STK32B: variants seen among roughly 807,000 people sequenced by gnomAD.
STK32B encodes serine/threonine kinase 32B.
In STK32B, 43 loss-of-function variants were observed where a neutral mutation model predicts 52.6. That is an observed-to-expected ratio of 0.82 (90% confidence interval 0.64 to 1.05). The LOEUF (loss-of-function observed/expected upper bound fraction) is 1.05. Among genes scored for constraint, STK32B ranks in the 50% least tolerant of loss-of-function variants. STK32B has a pLI of 0.00. For missense variants in STK32B, 621 were observed against 534.6 expected (o/e 1.16, Z -1.59); for synonymous variants, 238 against 204.3 (o/e 1.17, Z -1.41).
chr4:5,152,147 A>AT (rs1717420579), intron 2 of STK32B, among the ~76,000 whole-genome samples: 1 of 152,226 alleles, frequency 6.6e-6, no homozygotes, highest in Admixed American at 6.5e-5. Context: ...TTCGTCAGCA[A>AT]TTGATGAAGT....
At chr4:5,235,426 G>A (rs78647349) in intron 3 of STK32B, among the ~76,000 whole-genome samples, 5,537 of 152,192 alleles carry the variant, frequency 0.036, 136 homozygotes, top group South Asian at 0.083. Context: ...TGACAATGGC[G>A]TGCCACTCCT....
At chr4:5,103,841 T>C (rs932218864) in intron 1 of STK32B, among the ~76,000 whole-genome samples, 1 of 152,192 alleles carries the variant, frequency 6.6e-6, no homozygotes, top group Non-Finnish European at 1.5e-5. Flanking sequence ...CATTACATAT[T>C]TTTAAAATTG....
chr4:5,464,213 A>G (rs1717253473), intron 9 of STK32B, among the ~76,000 whole-genome samples: 1 of 152,216 alleles, frequency 6.6e-6, no homozygotes, highest in Admixed American at 6.5e-5. Context: ...CCCATGAACC[A>G]AACACCTCCC....
chr4:5,434,450 G>A (rs1329467087), intron 6 of STK32B, among the ~76,000 whole-genome samples: 57 of 103,362 alleles, frequency 5.5e-4, no homozygotes, highest in East Asian at 1.1e-3. Context: ...GTGTGTGTGT[G>A]TGTGTATATA....
intron 3 of STK32B, among the ~76,000 whole-genome samples, chr4:5,316,033 CATTAAT>C: frequency 6.9e-6 from 1 of 143,950 alleles, no homozygotes; most frequent in South Asian, 2.2e-4. Context: ...AGAGAGCTGA[CATTAAT>C]AAGGCAAAAT....
At chr4:5,184,075 C>G (rs1056074373) in intron 3 of STK32B, among the ~76,000 whole-genome samples, 4 of 152,198 alleles carry the variant, frequency 2.6e-5, no homozygotes, top group African/African-American at 7.2e-5. Flanking sequence ...AACTTTTTCT[C>G]TGCATTCAGA....
intron 3 of STK32B, among the ~76,000 whole-genome samples, chr4:5,222,545 G>A (rs1190175809): frequency 6.6e-6 from 1 of 151,926 alleles, no homozygotes; most frequent in Non-Finnish European, 1.5e-5. Flanking sequence ...AAAACTGAAG[G>A]AAAGACAACG....
At chr4:5,183,215 C>T (rs1218674502) in intron 3 of STK32B, among the ~76,000 whole-genome samples, 4 of 152,096 alleles carry the variant, frequency 2.6e-5, no homozygotes, top group East Asian at 1.9e-4. Context: ...TGGTGGCTCA[C>T]GCCTGTAATC....
chr4:5,122,871 C>T (rs941216117), intron 1 of STK32B, among the ~76,000 whole-genome samples: 3 of 152,022 alleles, frequency 2.0e-5, no homozygotes, highest in Non-Finnish European at 2.9e-5. Flanking sequence ...CTCTGTGCAC[C>T]CCTTCTCTGC....
intron 4 of STK32B, among the ~76,000 whole-genome samples, chr4:5,388,386 G>C (rs1049588101): frequency 6.6e-6 from 1 of 152,178 alleles, no homozygotes; most frequent in South Asian, 2.1e-4. Flanking sequence ...TTGACATACA[G>C]TATTTCATTT....
chr4:5,323,939 G>C (rs540538693), intron 3 of STK32B, among the ~76,000 whole-genome samples: 1 of 152,216 alleles, frequency 6.6e-6, no homozygotes, highest in African/African-American at 2.4e-5. Flanking sequence ...GCTATTCCCT[G>C]GCTGTCATCT....
chr4:5,139,860 G>C (rs766271653), intron 1 of STK32B, 45 bp from the exon 2 acceptor site: 156 of 1,612,646 alleles, frequency 9.7e-5, no homozygotes, highest in Non-Finnish European at 1.1e-4. Context: ...AGCAATACCA[G>C]GTTTAGCAAA....
At position 5,316,817 on chromosome 4, in the gene STK32B, T is replaced by TTA. The variant is rs1730880905; in HGVS notation, c.261-14399_261-14398dup. ...TATTATATATTATATATATTATATA[T>TTA]TATATCATATATATTATATATTATA... On this transcript the variant is annotated intron_variant, in intron 3 of 11. Transcript: ENST00000282908. Among the ~76,000 whole-genome samples, 3 of 4,706 alleles carry TTA rather than the reference T, an allele frequency of 6.4e-4. 1 individual carries two copies. In the African/African-American group the frequency reaches 8.0e-3, roughly 13 times the overall value. 3.1% of individuals were successfully genotyped at this position (4,706 alleles called of 152,430 possible).
At chr4:5,173,633 C>T (rs1335805639) in intron 3 of STK32B, among the ~76,000 whole-genome samples, 2 of 152,118 alleles carry the variant, frequency 1.3e-5, no homozygotes, top group African/African-American at 4.8e-5. Flanking sequence ...TTTCTTAATC[C>T]TGAGTTCTAG....
intron 11 of STK32B, among the ~76,000 whole-genome samples, chr4:5,475,848 A>C (rs944104558): frequency 6.6e-6 from 1 of 151,860 alleles, no homozygotes; most frequent in Admixed American, 6.6e-5. Context: ...CATTTTATAT[A>C]TATTCACACT....
At chr4:5,362,142 G>GTC (rs1734585300) in intron 4 of STK32B, among the ~76,000 whole-genome samples, 1 of 152,140 alleles carries the variant, frequency 6.6e-6, no homozygotes, top group South Asian at 2.1e-4. Flanking sequence ...AATAAAAATT[G>GTC]TATGTTGGGA....
chr4:5,188,873 G>T (rs1189132499), intron 3 of STK32B, among the ~76,000 whole-genome samples: 1 of 151,034 alleles, frequency 6.6e-6, no homozygotes, highest in Non-Finnish European at 1.5e-5. Flanking sequence ...GGGGGTGGGG[G>T]GCTGGGGGAG....
At chr4:5,301,840 A>C (rs1325354883) in intron 3 of STK32B, among the ~76,000 whole-genome samples, 1 of 121,384 alleles carries the variant, frequency 8.2e-6, no homozygotes, top group Non-Finnish European at 1.5e-5. Context: ...GGTTTAGTTT[A>C]GTTTGTTTTT....
At chr4:5,230,525 G>A (rs1305103915) in intron 3 of STK32B, among the ~76,000 whole-genome samples, 3 of 152,094 alleles carry the variant, frequency 2.0e-5, no homozygotes, top group African/African-American at 7.2e-5. Context: ...CCTATGTCAT[G>A]TGGCCTGTGG....
Sources: gnomAD v4.1 joint callset for allele counts (sites outside exome capture counted in the v4.1 genomes callset) on GRCh38, gnomAD v4.1.1 for gene constraint, MANE v1.5 for transcripts, NCBI Gene and HGNC (gene_info 2026-07-23, HGNC 2026-07-21) for gene names.